The following SOX5 variants were observed in gnomAD, a reference collection of about 807,000 sequenced individuals.
SOX5 encodes the protein SRY-box transcription factor 5.
In SOX5, 9 loss-of-function variants were observed where a neutral mutation model predicts 92.0. The observed-to-expected ratio is 0.10, with a 90% CI of 0.06 to 0.17. The LOEUF (loss-of-function observed/expected upper bound fraction) is 0.17, where lower values mean the gene tolerates loss of function less well. Ranked by LOEUF, SOX5 falls within the 10% of genes least tolerant of loss-of-function variation. The pLI is 1.00. For synonymous variants in SOX5, 344 were observed against 336.3 expected (o/e 1.02, Z -0.25); for missense variants, 642 against 944.5 (o/e 0.68, Z 4.20).
rs1956208573 is a variant in SOX5, at chr12:24,366,680, C to T, written c.-174+1883G>A. ...ATAGCTGACTCCTTCTTCAGTGTAA[C>T]TATTACTGGCTTTCTTTGACCTTTC... On this transcript the variant is annotated intron_variant, in intron 2 of 4. Coordinates refer to the SOX5 transcript ENST00000446891. Among the ~76,000 whole-genome samples the T allele has an allele frequency of 5.9e-5, 9 of 152,258 alleles. No individual in the cohort carries two copies. The South Asian group carries it at 1.9e-3, about 32-fold the overall frequency.
chr12:23,971,180 T>C (rs1413368745), intron 4 of SOX5, among the ~76,000 whole-genome samples: 2 of 128,454 alleles, frequency 1.6e-5, no homozygotes, highest in East Asian at 5.3e-4. Context: ...TGGAATGCAG[T>C]GGCGTGATCT....
rs1595425918 is a variant in SOX5, at chr12:24,307,518, G to GGAAGGAAGGAAGTTAGTTTGTACTT, written c.-173-30207_-173-30206insAAGTACAAACTAACTTCCTTCCTTC. On this transcript the variant is annotated intron_variant, in intron 2 of 4. Transcript: ENST00000446891. ...GGAAGGAAGGAAGGAAGGAAGGAAGGCCGGCCCCCCCACCCACCCACTCAC... is the reference window on the plus strand; with the variant it reads ...GGAAGGAAGGAAGGAAGGAAGGAAGGGAAGGAAGGAAGTTAGTTTGTACTTCCGGCCCCCCCACCCACCCACTCAC... Among the ~76,000 whole-genome samples, 29 of 25,952 alleles carry GGAAGGAAGGAAGTTAGTTTGTACTT rather than the reference G, an allele frequency of 1.1e-3. 2 individuals are homozygous for GGAAGGAAGGAAGTTAGTTTGTACTT. Among genetic ancestry groups the GGAAGGAAGGAAGTTAGTTTGTACTT allele is most frequent in the Admixed American group, 3.2e-3 (4 of 1,256 alleles). 17.0% of individuals were successfully genotyped at this position (25,952 alleles called of 152,430 possible).
At chr12:24,251,919 C>T (rs1006878320) in intron 3 of SOX5, among the ~76,000 whole-genome samples, 2 of 148,366 alleles carry the variant, frequency 1.3e-5, no homozygotes, top group East Asian at 4.0e-4. Context: ...TATCACAGCC[C>T]AATACACCTC....
At chr12:24,195,842 T>C (rs966597836) in intron 4 of SOX5, among the ~76,000 whole-genome samples, 2 of 152,208 alleles carry the variant, frequency 1.3e-5, no homozygotes, top group African/African-American at 4.8e-5. Flanking sequence ...AACATCCTAA[T>C]TGCTTATATA....
intron 2 of SOX5, among the ~76,000 whole-genome samples, chr12:23,867,877 T>C (rs182478531): frequency 3.9e-5 from 6 of 151,978 alleles, no homozygotes; most frequent in Admixed American, 2.6e-4. Flanking sequence ...TAAAAATTAT[T>C]ACCTTTATTG....
At chr12:23,841,740 G>C (rs1188136911) in intron 3 of SOX5, among the ~76,000 whole-genome samples, 2 of 152,034 alleles carry the variant, frequency 1.3e-5, no homozygotes, top group Admixed American at 1.3e-4. Flanking sequence ...CTAGGAAAGG[G>C]AAAACTATAC....
At chr12:24,389,105 C>A (rs1004913436) in intron 1 of SOX5, among the ~76,000 whole-genome samples, 1 of 151,984 alleles carries the variant, frequency 6.6e-6, no homozygotes, top group East Asian at 1.9e-4. Context: ...ATCCCTCCCC[C>A]CTCCTCCCAC....
intron 6 of SOX5, among the ~76,000 whole-genome samples, chr12:23,686,326 G>A (rs1593277502): frequency 6.6e-6 from 1 of 152,160 alleles, no homozygotes; most frequent in Non-Finnish European, 1.5e-5. Context: ...TGACCATCCT[G>A]TAGCCCCAGT....
At chr12:24,097,251 G>C (rs1945535323) in intron 4 of SOX5, among the ~76,000 whole-genome samples, 1 of 152,172 alleles carries the variant, frequency 6.6e-6, no homozygotes, top group African/African-American at 2.4e-5. Flanking sequence ...TTGTTGAGTT[G>C]CAAGTATTAT....
intron 3 of SOX5, chr12:24,237,712 A>G (rs1422736227): frequency 1.3e-5 from 2 of 152,116 alleles, no homozygotes; most frequent in African/African-American, 2.4e-5. Context: ...TTGATAATAT[A>G]CTATTTTATT....
At chr12:24,382,909 G>C (rs1165468648) in intron 1 of SOX5, among the ~76,000 whole-genome samples, 1 of 152,092 alleles carries the variant, frequency 6.6e-6, no homozygotes, top group African/African-American at 2.4e-5. Flanking sequence ...GGACACATCA[G>C]GATACCAGTT....
At chr12:24,074,323 T>C (rs754615043) in intron 4 of SOX5, among the ~76,000 whole-genome samples, 10 of 151,960 alleles carry the variant, frequency 6.6e-5, no homozygotes, top group African/African-American at 9.7e-5. Context: ...CAAACCTGTA[T>C]ACTCAAATTC....
intron 2 of SOX5, among the ~76,000 whole-genome samples, chr12:24,291,781 T>C (rs937759480): frequency 6.6e-6 from 1 of 152,178 alleles, no homozygotes; most frequent in African/African-American, 2.4e-5. Flanking sequence ...ATTACCACAA[T>C]ATTCCTGATT....
At chr12:23,824,900 A>G (rs1594800423) in intron 3 of SOX5, among the ~76,000 whole-genome samples, 1 of 152,058 alleles carries the variant, frequency 6.6e-6, no homozygotes, top group South Asian at 2.1e-4. Flanking sequence ...GGTGGTTTAA[A>G]CCGCCTACTC....
intron 6 of SOX5, among the ~76,000 whole-genome samples, chr12:23,709,350 C>G (rs2091804088): frequency 6.6e-6 from 1 of 152,122 alleles, no homozygotes; most frequent in Non-Finnish European, 1.5e-5. Context: ...AGCAATCCTC[C>G]AACCTCACCC....
intron 1 of SOX5, among the ~76,000 whole-genome samples, chr12:23,943,608 T>G (rs920801878): frequency 2.0e-5 from 3 of 152,174 alleles, no homozygotes; most frequent in African/African-American, 7.2e-5. Context: ...AAATGCTGAT[T>G]TAGCCACAGC....
chr12:23,926,991 C>A (rs1483579615), intron 1 of SOX5, among the ~76,000 whole-genome samples: 1 of 151,932 alleles, frequency 6.6e-6, no homozygotes, highest in Non-Finnish European at 1.5e-5. Context: ...GTCATGTTTA[C>A]TACTAAAAAA....
intron 7 of SOX5, among the ~76,000 whole-genome samples, chr12:23,664,301 G>A (rs1327352516): frequency 6.8e-6 from 1 of 146,198 alleles, no homozygotes; most frequent in Non-Finnish European, 1.5e-5. Context: ...ATAACAAGAT[G>A]TTAATGGCAC....
At chr12:24,286,953 A>G (rs1945942158) in intron 2 of SOX5, among the ~76,000 whole-genome samples, 1 of 152,214 alleles carries the variant, frequency 6.6e-6, no homozygotes, top group Non-Finnish European at 1.5e-5. Flanking sequence ...AAGGTAAAAG[A>G]TCAAACAGAG....
Sources: allele counts gnomAD v4.1 joint callset (sites outside exome capture counted in the v4.1 genomes callset), GRCh38; gene constraint gnomAD v4.1.1; transcripts MANE v1.5; gene names NCBI Gene and HGNC (gene_info 2026-07-23, HGNC 2026-07-21).